Variants in RIPOR3 observed in about 807,000 individuals in gnomAD.
RIPOR3 encodes the protein RIPOR family member 3.
Under a neutral mutation model 114.3 loss-of-function variants are expected in RIPOR3, and 95 were observed. The observed-to-expected ratio is 0.83, with a 90% CI of 0.70 to 0.99. The LOEUF is 0.99. Among genes scored for constraint, RIPOR3 ranks in the 50% least tolerant of loss-of-function variants. RIPOR3 has a pLI of 0.00. For missense variants in RIPOR3, 1,252 were observed against 1,266.9 expected (o/e 0.99, Z 0.18); for synonymous variants, 575 against 543.8 (o/e 1.06, Z -0.80).
At position 50,608,935 on chromosome 20, in the gene RIPOR3, G is replaced by A. The variant is rs753954694; in HGVS notation, c.661C>T (p.Leu221Phe). The A allele has an allele frequency of 6.3e-7, 1 of 1,587,350 alleles. No homozygotes were observed. The highest frequency in any genetic ancestry group is 1.8e-5 in the Admixed American group (1 of 54,318). ...ACCTCATAGTGGTCTCCGGGACAGA[G>A]GCGTGCGTAGCCCACCAAGCCTGGA... ...RMKGLVGYAR[L>F]CPGDHYEVLM... The change falls in exon 9 of 22, where the codon CTC (leucine) becomes TTC (phenylalanine). Residue 221 changes from leucine (L) to phenylalanine (F), a missense_variant. Leu to Phe is a conservative substitution (Grantham distance 22, BLOSUM62 0). Transcript: ENST00000327979.
At chr20:50,640,512 C>T (rs1447895338) in intron 1 of RIPOR3, among the ~76,000 whole-genome samples, 1 of 148,432 alleles carries the variant, frequency 6.7e-6, no homozygotes, top group Non-Finnish European at 1.5e-5. Context: ...TAGCTCCATG[C>T]GGGGAGGATG....
At chr20:50,682,610 A>ATTGTGTGTGTGTGTGTG (rs1230359539) in intron 1 of RIPOR3, among the ~76,000 whole-genome samples, 2 of 13,490 alleles carry the variant, frequency 1.5e-4, no homozygotes, top group Non-Finnish European at 7.1e-4. Context: ...CTGTCTCAAA[A>ATTGTGTGTGTGTGTGTG]TATGTGTGTG....
intron 8 of RIPOR3, 116 bp from the exon 9 acceptor site, chr20:50,609,071 T>TG (rs978419425): frequency 3.3e-5 from 47 of 1,427,768 alleles, no homozygotes; most frequent in African/African-American, 2.8e-5. Flanking sequence ...GGGGTGAGGA[T>TG]GGGGGGGAGG....
chr20:50,595,570 T>C, intron 15 of RIPOR3, 66 bp from the exon 16 acceptor site: 1 of 1,584,974 alleles, frequency 6.3e-7, no homozygotes, highest in Non-Finnish European at 8.6e-7. Flanking sequence ...CTGTTACGGC[T>C]GTGGCTCCCA....
At position 50,652,228 on chromosome 20, in the gene RIPOR3, T is replaced by C. The variant is rs150144530; in HGVS notation, c.4-21372A>G. On this transcript the variant is annotated intron_variant, in intron 1 of 21. Coordinates refer to ENST00000327979, the MANE Select transcript of RIPOR3 (RefSeq NM_001290268.2). Reference sequence around the variant, plus strand: ...CCAGTTCTGTCCCTGGCATGTACTCTCCCCAGGCCTATCCCACCCCCAAGT... The same window carrying C: ...CCAGTTCTGTCCCTGGCATGTACTCCCCCCAGGCCTATCCCACCCCCAAGT... Among the ~76,000 whole-genome samples the C allele has an allele frequency of 1.6e-3, 236 of 152,194 alleles. 1 individual carries two copies. Among genetic ancestry groups the C allele is most frequent in the Non-Finnish European group, 2.3e-3 (154 of 68,004 alleles).
At chr20:50,644,676 C>CTTTTTTTTTTT (rs61225138) in intron 1 of RIPOR3, among the ~76,000 whole-genome samples, 3 of 74,614 alleles carry the variant, frequency 4.0e-5, no homozygotes, top group Admixed American at 1.8e-4. Context: ...TTTTTGTTTG[C>CTTTTTTTTTTT]TTTTTTTTTT....
intron 18 of RIPOR3, 32 bp from the exon 19 acceptor site, chr20:50,592,578 C>A (rs779413763): frequency 3.5e-6 from 5 of 1,446,566 alleles, no homozygotes; most frequent in Non-Finnish European, 4.5e-6. Context: ...GGCCCAGGTC[C>A]CCTGAATGGG....
chr20:50,630,542 T>G (rs181532792), intron 2 of RIPOR3, among the ~76,000 whole-genome samples, 196 bp downstream of exon 2: 1 of 151,382 alleles, frequency 6.6e-6, no homozygotes, highest in East Asian at 1.9e-4. Context: ...ACTAAGAAAC[T>G]CTGTCTCTCT....
At chr20:50,666,224 T>TTTCTCTTCTCCTCTCTTCTCTTCTC (rs937470489) in intron 1 of RIPOR3, among the ~76,000 whole-genome samples, 1 of 101,842 alleles carries the variant, frequency 9.8e-6, no homozygotes, top group Non-Finnish European at 2.0e-5. Flanking sequence ...TTTCTTTTCT[T>TTTCTCTTCTCCTCTCTTCTCTTCTC]TTTTGAGACG....
In RIPOR3 at chr20:50,618,290, A is replaced by G. The variant is rs1402609878; in HGVS notation, c.269+1696T>C. On this transcript the variant is annotated intron_variant, in intron 3 of 21. Coordinates refer to ENST00000327979, the MANE Select transcript of RIPOR3 (RefSeq NM_001290268.2). Reference sequence around the variant, plus strand: ...CGTCTCAAAAAAAAAAAAAAAAAAAAAAAAAAAAAAAGGCGTAAGTAGGAG... The same window carrying G: ...CGTCTCAAAAAAAAAAAAAAAAAAAGAAAAAAAAAAAGGCGTAAGTAGGAG... Among the ~76,000 whole-genome samples the G allele has an allele frequency of 1.1e-4, 16 of 149,542 alleles. 1 individual carries two copies. Among genetic ancestry groups the G allele is most frequent in the Admixed American group, 8.7e-4 (13 of 15,006 alleles).
chr20:50,644,869 C>T (rs1230865718), intron 1 of RIPOR3, among the ~76,000 whole-genome samples: 2 of 145,536 alleles, frequency 1.4e-5, no homozygotes, highest in Admixed American at 6.9e-5. Context: ...GACGGAGTTT[C>T]GCTCTTGTCA....
At chr20:50,614,971 C>A (rs113284755) in intron 4 of RIPOR3, among the ~76,000 whole-genome samples, 1 of 152,116 alleles carries the variant, frequency 6.6e-6, no homozygotes, top group African/African-American at 2.4e-5. Context: ...GCAGGACAAT[C>A]GCTTGAATCT....
intron 11 of RIPOR3, among the ~76,000 whole-genome samples, chr20:50,606,604 T>C (rs775215304): frequency 9.2e-5 from 14 of 152,110 alleles, no homozygotes; most frequent in Non-Finnish European, 1.9e-4. Context: ...ACCAAATCCT[T>C]TATCCAGAAA....
chr20:50,614,160 C>G (rs1449062026), intron 4 of RIPOR3, among the ~76,000 whole-genome samples: 1 of 152,104 alleles, frequency 6.6e-6, no homozygotes, highest in African/African-American at 2.4e-5. Context: ...CTCAGCCTCC[C>G]GAGTAGCTGG....
chr20:50,630,706 G>A lies in RIPOR3; in HGVS notation c.122+32C>T, dbSNP rs2426178. ...CAGCCCATTAACAAGCCCCACCCCT[G>A]CACCCCGAAACAGGACACGGGGGGA... On this transcript the variant is annotated intron_variant, in intron 2 of 21. Transcript: ENST00000327979. The A allele has an allele frequency of 0.017, 26,483 of 1,548,136 alleles. 3,322 individuals carry two copies. The African/African-American group carries it at 0.3, about 17-fold the overall frequency.
intron 1 of RIPOR3, among the ~76,000 whole-genome samples, chr20:50,666,224 T>TTTCTTTTCTTTTCTTTTCTTTCTTTTC (rs937470489): frequency 9.8e-6 from 1 of 101,842 alleles, no homozygotes; most frequent in Non-Finnish European, 2.0e-5. Flanking sequence ...TTTCTTTTCT[T>TTTCTTTTCTTTTCTTTTCTTTCTTTTC]TTTTGAGACG....
chr20:50,635,501 A>G (rs2084953610), intron 1 of RIPOR3, among the ~76,000 whole-genome samples: 1 of 152,118 alleles, frequency 6.6e-6, no homozygotes, highest in South Asian at 2.1e-4. Flanking sequence ...AAAAAATACA[A>G]AAATTACCCA....
chr20:50,643,185 G>A (rs2085268059), intron 1 of RIPOR3, among the ~76,000 whole-genome samples: 1 of 150,442 alleles, frequency 6.6e-6, no homozygotes, highest in South Asian at 2.1e-4. Context: ...TGCAGTGGCT[G>A]GATCTTGGCT....
In RIPOR3 at chr20:50,595,033, T is replaced by G. The variant is rs1054759302; in HGVS notation, c.2051-319A>C. ...CACAGCTGGGATCACAGCTACTGTT[T>G]GACGGCACATTCTGCACCTTGAATG... On this transcript the variant is annotated intron_variant, in intron 16 of 21. Coordinates refer to ENST00000327979, the MANE Select transcript of RIPOR3 (RefSeq NM_001290268.2). 1.6e-4 allele frequency: 77 copies of G among 482,472 alleles called. 1 individual carries two copies. Among genetic ancestry groups the G allele is most frequent in the African/African-American group, 1.3e-3 (69 of 52,164 alleles). The allele number at this position is 482,472 out of a possible 1,614,324, so 29.9% of individuals were successfully genotyped here.
Sources: gnomAD v4.1 joint callset for allele counts (sites outside exome capture counted in the v4.1 genomes callset) on GRCh38, gnomAD v4.1.1 for gene constraint, MANE v1.5 for transcripts, NCBI Gene and HGNC (gene_info 2026-07-23, HGNC 2026-07-21) for gene names.